PPARGC1A: variants seen among roughly 807,000 people sequenced by gnomAD.
PPARGC1A encodes the protein peroxisome proliferator-activated receptor gamma coactivator 1-alpha.
In PPARGC1A, 25 loss-of-function variants were observed where a neutral mutation model predicts 88.7. That is an observed-to-expected ratio of 0.28 (90% confidence interval 0.21 to 0.39). The LOEUF is 0.39. Ranked by LOEUF, PPARGC1A falls within the 10% of genes least tolerant of loss-of-function variation. The pLI, the probability that PPARGC1A is intolerant of heterozygous loss-of-function variation, is 1.00. For missense variants in PPARGC1A, 880 were observed against 968.7 expected, an observed-to-expected ratio of 0.91 and a Z score of 1.22; for synonymous variants, 363 against 355.6, an observed-to-expected ratio of 1.02 and a Z score of -0.24.
chr4:23,855,226 T>C (rs1392459613), intron 2 of PPARGC1A, among the ~76,000 whole-genome samples: 2 of 152,180 alleles, frequency 1.3e-5, no homozygotes, highest in Admixed American at 6.5e-5. Flanking sequence ...CTCTTTTTCT[T>C]TGTAAATCAC....
the PPARGC1A span, among the ~76,000 whole-genome samples, chr4:23,911,587 A>T: frequency 6.6e-6 from 1 of 152,326 alleles, no homozygotes; most frequent in African/African-American, 2.4e-5. Context: ...ATAAACTGAG[A>T]TAAACAAGCA....
the PPARGC1A span, among the ~76,000 whole-genome samples, chr4:24,447,915 A>G: frequency 1.3e-5 from 2 of 152,184 alleles, no homozygotes; most frequent in African/African-American, 2.4e-5. Context: ...TCCATAACTA[A>G]CAAAACACAG....
intron 2 of PPARGC1A, among the ~76,000 whole-genome samples, chr4:23,846,711 A>G (rs1300633282): frequency 1.3e-5 from 2 of 152,160 alleles, no homozygotes; most frequent in African/African-American, 2.4e-5. Context: ...GCGATGAACA[A>G]AATAATTAAA....
the PPARGC1A span, among the ~76,000 whole-genome samples, chr4:24,440,267 G>A: frequency 2.0e-5 from 3 of 152,166 alleles, no homozygotes; most frequent in Non-Finnish European, 2.9e-5. Flanking sequence ...TCCTACAGGG[G>A]ACCACATGGG....
the PPARGC1A span, among the ~76,000 whole-genome samples, chr4:24,189,567 C>T: frequency 6.6e-6 from 1 of 152,124 alleles, no homozygotes; most frequent in Admixed American, 6.5e-5. Flanking sequence ...AGGAAGCCTT[C>T]CCTAATCACC....
the PPARGC1A span, among the ~76,000 whole-genome samples, chr4:23,993,079 AAAAC>A: frequency 1.4e-4 from 22 of 152,272 alleles, no homozygotes; most frequent in African/African-American, 2.4e-4. Flanking sequence ...AAAGGCCACT[AAAAC>A]AAACAAAGTA....
chr4:23,892,891 G>A (rs1019705065), upstream of PPARGC1A, among the ~76,000 whole-genome samples: 6 of 152,076 alleles, frequency 3.9e-5, no homozygotes, highest in Admixed American at 2.0e-4. Flanking sequence ...AAAAACCAAC[G>A]TCACTTGGAT....
chr4:24,214,197 T>C, the PPARGC1A span, among the ~76,000 whole-genome samples: 1 of 152,236 alleles, frequency 6.6e-6, no homozygotes, highest in Non-Finnish European at 1.5e-5. Context: ...CTCCTCAGAA[T>C]ACCATCTGCT....
the PPARGC1A span, among the ~76,000 whole-genome samples, chr4:24,042,139 A>C: frequency 6.6e-6 from 1 of 152,168 alleles, no homozygotes; most frequent in Non-Finnish European, 1.5e-5. Flanking sequence ...TGTCTTCAAA[A>C]ATCTCTGAAA....
the PPARGC1A span, among the ~76,000 whole-genome samples, chr4:23,954,213 A>C: frequency 6.6e-6 from 1 of 152,054 alleles, no homozygotes; most frequent in African/African-American, 2.4e-5. Flanking sequence ...ACCAAACTAA[A>C]TGTGGTACAG....
At chr4:24,041,959 A>G in the PPARGC1A span, among the ~76,000 whole-genome samples, 1 of 152,076 alleles carries the variant, frequency 6.6e-6, no homozygotes, top group Admixed American at 6.6e-5. Context: ...TAATCAACCT[A>G]AAAATATGAC....
chr4:23,802,768 T>C (rs1214373326), intron 10 of PPARGC1A, among the ~76,000 whole-genome samples: 1 of 151,148 alleles, frequency 6.6e-6, no homozygotes. Flanking sequence ...GCATGGCAAT[T>C]AGAGCAAAAC....
chr4:23,862,081 C>T (rs1731308442), intron 2 of PPARGC1A, among the ~76,000 whole-genome samples: 1 of 152,186 alleles, frequency 6.6e-6, no homozygotes, highest in Admixed American at 6.5e-5. Flanking sequence ...CCCAGTTTCA[C>T]AATTCTAATA....
At chr4:24,258,171 A>G in the PPARGC1A span, 1 of 952,706 alleles carries the variant, frequency 1.0e-6, no homozygotes, top group Non-Finnish European at 1.2e-6. Context: ...AGAATAACAG[A>G]AAATAACATG....
intron 2 of PPARGC1A, among the ~76,000 whole-genome samples, chr4:23,872,072 G>A (rs537610287): frequency 1.1e-4 from 16 of 152,244 alleles, no homozygotes; most frequent in African/African-American, 3.1e-4. Flanking sequence ...ATCCAAGAGA[G>A]AGAGAGAAAA....
chr4:24,461,802 C>T, the PPARGC1A span, among the ~76,000 whole-genome samples: 1 of 152,116 alleles, frequency 6.6e-6, no homozygotes, highest in Non-Finnish European at 1.5e-5. Flanking sequence ...CAAATGTCCC[C>T]ACTCTCATCC....
chr4:24,214,877 T>C, the PPARGC1A span, among the ~76,000 whole-genome samples: 1 of 152,306 alleles, frequency 6.6e-6, no homozygotes, highest in East Asian at 1.9e-4. Flanking sequence ...AAAGATCTAC[T>C]TGGCAGAAAT....
At chr4:23,897,404 T>C (rs187085556) in intron 1 of PPARGC1A, among the ~76,000 whole-genome samples, 1 of 152,318 alleles carries the variant, frequency 6.6e-6, no homozygotes, top group African/African-American at 2.4e-5. Flanking sequence ...GCTATGTCAC[T>C]TGCCAGCAAT....
chr4:24,286,881 G>A, the PPARGC1A span, among the ~76,000 whole-genome samples: 1 of 152,030 alleles, frequency 6.6e-6, no homozygotes, highest in African/African-American at 2.4e-5. Context: ...GTTGAGCTGG[G>A]GCAGGATCTA....
Sources: allele counts gnomAD v4.1 joint callset (sites outside exome capture counted in the v4.1 genomes callset), GRCh38; gene constraint gnomAD v4.1.1; transcripts MANE v1.5; gene names NCBI Gene and HGNC (gene_info 2026-07-23, HGNC 2026-07-21).